ADPGK: variants seen among roughly 807,000 people sequenced by gnomAD.
ADPGK encodes the protein ADP-dependent glucokinase.
A neutral mutation model predicts 42.4 loss-of-function variants in ADPGK; 26 were observed. The ratio of observed to expected loss-of-function variants is 0.61; its 90% CI spans 0.45 to 0.85. The LOEUF is 0.85. Among genes scored for constraint, ADPGK ranks in the 40% least tolerant of loss-of-function variants. The probability of loss-of-function intolerance (pLI) is 0.00; values close to 1 mark genes in which losing one functional copy is unlikely to be tolerated. For missense variants in ADPGK, 571 were observed against 627.0 expected, an observed-to-expected ratio of 0.91 and a Z score of 0.95; for synonymous variants, 267 against 252.6, an observed-to-expected ratio of 1.06 and a Z score of -0.54.
intron 2 of ADPGK, among the ~76,000 whole-genome samples, chr15:72,772,577 C>G (rs1189119185): frequency 6.6e-6 from 1 of 152,160 alleles, no homozygotes; most frequent in Non-Finnish European, 1.5e-5. Context: ...ATAACCTGAA[C>G]AAACCTCTAA....
chr15:72,775,345 A>G (rs561896909), intron 1 of ADPGK, among the ~76,000 whole-genome samples: 1 of 152,244 alleles, frequency 6.6e-6, no homozygotes, highest in Non-Finnish European at 1.5e-5. Flanking sequence ...ACAAAGTGAG[A>G]AGATAGGTGC....
At chr15:72,758,368 T>C (rs2066143895) in intron 4 of ADPGK, 1 of 583,552 alleles carries the variant, frequency 1.7e-6, no homozygotes, top group Non-Finnish European at 3.1e-6. Context: ...AGTGACTCAC[T>C]GGATTCCCAG....
At chr15:72,781,463 C>T (rs928552313) in intron 1 of ADPGK, among the ~76,000 whole-genome samples, 1 of 152,178 alleles carries the variant, frequency 6.6e-6, no homozygotes, top group Admixed American at 6.5e-5. Context: ...GACCTGTTCC[C>T]ACTTTGGCTT....
At chr15:72,760,362 A>C in intron 4 of ADPGK, 45 bp downstream of exon 4, 1 of 1,546,996 alleles carries the variant, frequency 6.5e-7, no homozygotes, top group Non-Finnish European at 8.8e-7. Flanking sequence ...GACAATACAC[A>C]GCCCCTTGAC....
intron 3 of ADPGK, among the ~76,000 whole-genome samples, chr15:72,771,036 A>G (rs1362889121): frequency 6.6e-6 from 1 of 152,128 alleles, no homozygotes; most frequent in African/African-American, 2.4e-5. Flanking sequence ...TTTGTTCCCC[A>G]TGTATTGTAG....
At chr15:72,763,318 ATT>A (rs34099103) in intron 3 of ADPGK, among the ~76,000 whole-genome samples, 87 of 123,640 alleles carry the variant, frequency 7.0e-4, no homozygotes, top group South Asian at 1.5e-3. Flanking sequence ...CACTCGGCTA[ATT>A]TTTTTTTTTT....
chr15:72,778,232 G>C (rs2066413781), intron 1 of ADPGK, among the ~76,000 whole-genome samples: 1 of 152,130 alleles, frequency 6.6e-6, no homozygotes, highest in African/African-American at 2.4e-5. Context: ...CTGGGTGAGA[G>C]AGCAAGACCC....
intron 1 of ADPGK, 26 bp downstream of exon 1, chr15:72,783,433 G>A (rs532076369): frequency 6.2e-5 from 82 of 1,332,836 alleles, no homozygotes; most frequent in Middle Eastern, 5.6e-4. Flanking sequence ...CGGAGGCTCA[G>A]AGACCCAGGC....
chr15:72,783,628 G>T lies in ADPGK; in HGVS notation c.64C>A (p.Leu22Met). 2 of 1,514,836 alleles carry T rather than the reference G, an allele frequency of 1.3e-6. No individual in the cohort carries two copies. The highest frequency in any genetic ancestry group is 1.8e-6 in the Non-Finnish European group (2 of 1,139,422). The allele number at this position is 1,514,836 out of a possible 1,614,324, so 93.8% of individuals were successfully genotyped here. Residue 22 changes from leucine to methionine, a missense_variant, in exon 1 of 7, where the codon CTG becomes ATG. By Grantham distance (15) the Leu-to-Met change is conservative (BLOSUM62 2). Transcript: ENST00000456471. ...FLALAVGCVF[L>M]LEPELPGSAL... ...GAGCCTGGCAGCTCTGGCTCCAGCA[G>T]GAAGACGCAGCCCACGGCCAGCGCC...
At position 72,755,575 on chromosome 15, in the gene ADPGK, A is replaced by G. The variant is rs765879447; in HGVS notation, c.920T>C (p.Met307Thr). 1.2e-6 allele frequency: 2 copies of G among 1,613,916 alleles called. No homozygotes were observed. Among genetic ancestry groups the G allele is most frequent in the South Asian group, 2.2e-5 (2 of 91,080 alleles). The change falls in exon 6 of 7, where the codon ATG becomes ACG. Residue 307 changes from methionine to threonine, a missense_variant. Transcript: ENST00000456471. Reference sequence around the variant, plus strand: ...GGTTACCTGATGGACAATGCTGCTCATGAGCTCCCTGTTAGTCATACTGGC... The same window carrying G: ...GGTTACCTGATGGACAATGCTGCTCGTGAGCTCCCTGTTAGTCATACTGGC... ...ELASMTNREL[M>T]SSIVHQQVFP...
In ADPGK at chr15:72,756,404, G is replaced by A. The variant is rs367752938; in HGVS notation, c.687C>T (p.Phe229=). The change falls in exon 5 of 7, where the codon TTC becomes TTT. Residue 229 remains phenylalanine, a synonymous_variant. Coordinates refer to ENST00000456471, the MANE Select transcript of ADPGK (RefSeq NM_001365225.1). ...GQLKAPHANR[F]IFSHDLSNGA... The stretch of plus-strand genomic sequence containing the variant: ...CGTTGGAGAGGTCGTGAGAGAAGAT[G>A]AATCGGTTGGCATGGGGAGCTTTTA... The A allele has an allele frequency of 3.7e-6, 6 of 1,614,204 alleles. No homozygotes were observed. Among genetic ancestry groups the A allele is most frequent in the South Asian group, 3.3e-5 (3 of 91,074 alleles).
chr15:72,757,201 CTTTTTT>C (rs34450649), intron 4 of ADPGK: 1 of 123,092 alleles, frequency 8.1e-6, no homozygotes, highest in Non-Finnish European at 1.7e-5. Flanking sequence ...TTCTTTTTTC[CTTTTTT>C]TTTTTTTTTT....
At chr15:72,768,968 T>C (rs2066294341) in intron 3 of ADPGK, among the ~76,000 whole-genome samples, 1 of 102,720 alleles carries the variant, frequency 9.7e-6, no homozygotes, top group Admixed American at 1.2e-4. Context: ...GGCCAGATCC[T>C]GTCTCTCAAA....
intron 1 of ADPGK, among the ~76,000 whole-genome samples, chr15:72,778,635 T>C (rs2066418644): frequency 6.6e-6 from 1 of 152,198 alleles, no homozygotes; most frequent in Non-Finnish European, 1.5e-5. Flanking sequence ...CAGTTCTCCC[T>C]TCTAGACCAT....
chr15:72,755,911 C>T, intron 5 of ADPGK: 1 of 650,048 alleles, frequency 1.5e-6, no homozygotes, highest in Middle Eastern at 2.5e-4. Context: ...CTGTACGAAT[C>T]TGTAGGAGTT....
chr15:72,756,508 T>TA, intron 4 of ADPGK, 61 bp from the exon 5 acceptor site: 1 of 1,575,994 alleles, frequency 6.3e-7, no homozygotes, highest in East Asian at 2.2e-5. Context: ...CTCCTAGCTG[T>TA]GGGGGCACTT....
chr15:72,753,877 A>G (rs1453688730), intron 6 of ADPGK, among the ~76,000 whole-genome samples: 1 of 152,090 alleles, frequency 6.6e-6, no homozygotes, highest in Non-Finnish European at 1.5e-5. Flanking sequence ...TATACTGAAA[A>G]ACACCAAGAG....
intron 1 of ADPGK, among the ~76,000 whole-genome samples, chr15:72,779,570 A>T (rs2066432040): frequency 6.6e-6 from 1 of 152,126 alleles, no homozygotes; most frequent in Admixed American, 6.5e-5. Flanking sequence ...AAACCAATGA[A>T]TAGGTACCAG....
chr15:72,783,298 G>A (rs144212985), intron 1 of ADPGK, 161 bp downstream of exon 1: 33 of 1,262,792 alleles, frequency 2.6e-5, no homozygotes, highest in Admixed American at 1.7e-4. Flanking sequence ...CAGCGGTGAC[G>A]AACCGGGTTC....
Sources: gnomAD v4.1 joint callset for allele counts (sites outside exome capture counted in the v4.1 genomes callset) on GRCh38, gnomAD v4.1.1 for gene constraint, MANE v1.5 for transcripts, NCBI Gene and HGNC (gene_info 2026-07-23, HGNC 2026-07-21) for gene names.